MLXIPL: variants seen among roughly 807,000 people sequenced by gnomAD.
MLXIPL encodes the protein carbohydrate-responsive element-binding protein.
MLXIPL carries 49 observed loss-of-function variants against 81.5 expected under a neutral mutation model. The observed-to-expected ratio is 0.60, with a 90% CI of 0.48 to 0.76. The LOEUF (loss-of-function observed/expected upper bound fraction) is 0.76. Among genes scored for constraint, MLXIPL ranks in the 30% least tolerant of loss-of-function variants. The pLI is 0.00. For missense variants in MLXIPL, 1,053 were observed against 1,167.0 expected (o/e 0.90, Z 1.42); for synonymous variants, 466 against 485.5 (o/e 0.96, Z 0.53).
At chr7:73,641,616 C>T in the MLXIPL span, among the ~76,000 whole-genome samples, 12 of 152,048 alleles carry the variant, frequency 7.9e-5, no homozygotes, top group Non-Finnish European at 1.0e-4. Flanking sequence ...GTGTGTCCTG[C>T]GATTCAATTC....
chr7:73,646,441 C>A, the MLXIPL span, among the ~76,000 whole-genome samples: 1 of 152,162 alleles, frequency 6.6e-6, no homozygotes, highest in African/African-American at 2.4e-5. Context: ...GATTCCAAGA[C>A]ACCAGGCGGA....
At chr7:73,644,592 G>C in the MLXIPL span, among the ~76,000 whole-genome samples, 1 of 152,174 alleles carries the variant, frequency 6.6e-6, no homozygotes, top group Non-Finnish European at 1.5e-5. Context: ...ATGTAAGTGA[G>C]AGCCAGTGGT....
rs782536206 is a variant in MLXIPL, at chr7:73,605,920, C to T, written c.810G>A (p.Pro270=). 5 of 1,586,588 alleles carry T rather than the reference C, an allele frequency of 3.2e-6. No individual in the cohort carries two copies. Among genetic ancestry groups the T allele is most frequent in the African/African-American group, 1.3e-5 (1 of 74,708 alleles). Residue 270 remains proline (P), a synonymous_variant, in exon 6 of 17, where the codon CCG becomes CCA. Transcript: ENST00000313375. ...TQSGPSPLQL[P]PEDAYVGNAD... ...TTCTCAGACCCTCACCATCCTCAGG[C>T]GGCAGCTGCAGGGGCGAAGGGCCGG...
At chr7:73,606,352 T>C (rs1584111082) in intron 5 of MLXIPL, 1 of 576,524 alleles carries the variant, frequency 1.7e-6, no homozygotes, top group Non-Finnish European at 3.1e-6. Context: ...TCCTGCTCTT[T>C]AGATTTTTTC....
chr7:73,602,767 C>T (rs782010941), intron 7 of MLXIPL, among the ~76,000 whole-genome samples: 5 of 152,176 alleles, frequency 3.3e-5, no homozygotes, highest in Non-Finnish European at 7.4e-5. Flanking sequence ...ACTAGGTCCC[C>T]GAGGCCCTGG....
upstream of MLXIPL, among the ~76,000 whole-genome samples, chr7:73,626,337 C>T (rs534159096): frequency 2.0e-5 from 3 of 152,286 alleles, no homozygotes; most frequent in South Asian, 6.2e-4. Context: ...GGGTCTCGCT[C>T]TGTCACCCAG....
At position 73,597,640 on chromosome 7, in the gene MLXIPL, G is replaced by A. The variant is rs570039127; in HGVS notation, c.1145C>T (p.Pro382Leu). 9 of 1,386,958 alleles carry A rather than the reference G, an allele frequency of 6.5e-6. No homozygotes were observed. The South Asian group carries it at 1.0e-4, about 16-fold the overall frequency. The allele number at this position is 1,386,958 out of a possible 1,614,324, so 85.9% of individuals were successfully genotyped here. A position where few individuals can be genotyped will look rare whatever the true frequency, so the allele number is the denominator to read the frequency against. Reference protein sequence around the residue: ...LSSDFLLPEDPKPRLPPPPVP... With the variant: ...LSSDFLLPEDLKPRLPPPPVP... ...AGGAGGGGGTGGGAGCCGGGGCTTG[G>A]GGTCTTCAGGAAGGAGGAAATCAGA... Residue 382 changes from proline (P) to leucine (L), a missense_variant, in exon 9 of 17, where the codon CCC becomes CTC. Physicochemically the swap from Pro to Leu is moderately conservative, Grantham distance 98. Around this residue, in one of 3 missense-constraint regions of MLXIPL, gnomAD observed 823 missense variants for 933.0 expected, o/e 0.88. Transcript: ENST00000313375.
Position 73,596,983 on chromosome 7 carries a change from T to A in MLXIPL, c.1604-51A>T. ...TACTGGGGCTGGCCCACCCCCGGCATCTATCAAGACCCCATCCTGCCCCTC... is the reference window on the plus strand; with the variant it reads ...TACTGGGGCTGGCCCACCCCCGGCAACTATCAAGACCCCATCCTGCCCCTC... On this transcript the variant is annotated intron_variant, in intron 9 of 16. Coordinates refer to ENST00000313375, the MANE Select transcript of MLXIPL (RefSeq NM_032951.3). The surrounding 1 kb of genome is among the most constrained non-coding windows in gnomAD (Gnocchi z 4.7). The A allele has an allele frequency of 1.1e-5, 17 of 1,577,452 alleles. No homozygotes were observed. The highest frequency in any genetic ancestry group is 1.4e-5 in the Non-Finnish European group (16 of 1,162,238).
the MLXIPL span, among the ~76,000 whole-genome samples, chr7:73,631,165 C>T: frequency 2.6e-5 from 4 of 152,100 alleles, no homozygotes; most frequent in Admixed American, 1.3e-4. Flanking sequence ...CCCGCCACCA[C>T]GCCCAGCTAA....
upstream of MLXIPL, among the ~76,000 whole-genome samples, chr7:73,624,724 TCC>T (rs1796627626): frequency 6.6e-6 from 1 of 151,848 alleles, no homozygotes; most frequent in Admixed American, 6.6e-5. Flanking sequence ...TTCCTTGGAG[TCC>T]TGATAGAGCC....
At chr7:73,595,601 C>T in intron 15 of MLXIPL, 36 bp downstream of exon 15, 1 of 1,614,066 alleles carries the variant, frequency 6.2e-7, no homozygotes, top group Non-Finnish European at 8.5e-7. Flanking sequence ...GCCACAGCCC[C>T]TGCAGCCCCC....
upstream of MLXIPL, chr7:73,624,552 G>A: frequency 6.8e-7 from 1 of 1,463,874 alleles, no homozygotes. Flanking sequence ...ACAGCTCTTG[G>A]CCAGCCGGGC....
chr7:73,621,094 G>A (rs1467727264), intron 1 of MLXIPL, among the ~76,000 whole-genome samples: 2 of 151,358 alleles, frequency 1.3e-5, no homozygotes, highest in Non-Finnish European at 2.9e-5. Flanking sequence ...TAATAAGAAG[G>A]AGAAGAAAAC....
the MLXIPL span, among the ~76,000 whole-genome samples, chr7:73,641,323 C>G: frequency 6.6e-6 from 1 of 152,284 alleles, no homozygotes; most frequent in South Asian, 2.1e-4. Flanking sequence ...CCATGGATCA[C>G]CTCAGGCAAG....
the MLXIPL span, among the ~76,000 whole-genome samples, chr7:73,645,017 T>G: frequency 1.3e-5 from 2 of 151,330 alleles, no homozygotes; most frequent in Admixed American, 1.3e-4. Context: ...GGCCTGGGAT[T>G]CTGGGTAGAG....
At chr7:73,640,692 G>T in the MLXIPL span, among the ~76,000 whole-genome samples, 1 of 149,834 alleles carries the variant, frequency 6.7e-6, no homozygotes, top group Admixed American at 6.7e-5. Context: ...CAGGAAAATC[G>T]CTTGAATCCG....
chr7:73,607,605 C>G lies in MLXIPL; in HGVS notation c.468G>C (p.Ala156=). Reference sequence around the variant, plus strand: ...ACCCAGCTACCTCCGGCTTCCGGTGCGCATCAGCCTCAGGCCCCTGCAGGG... The same window carrying G: ...ACCCAGCTACCTCCGGCTTCCGGTGGGCATCAGCCTCAGGCCCCTGCAGGG... ...VTPLQGPEAD[A]HRKPEAVVLE... Residue 156 remains alanine (A), a synonymous_variant, in exon 3 of 17, where the codon GCG becomes GCC. Coordinates refer to ENST00000313375, the MANE Select transcript of MLXIPL (RefSeq NM_032951.3). The G allele has an allele frequency of 6.2e-7, 1 of 1,613,126 alleles. No homozygotes were observed. The highest frequency in any genetic ancestry group is 8.5e-7 in the Non-Finnish European group (1 of 1,180,000).
At chr7:73,633,860 A>G in the MLXIPL span, among the ~76,000 whole-genome samples, 1 of 152,078 alleles carries the variant, frequency 6.6e-6, no homozygotes. Flanking sequence ...ACCAGCTTAC[A>G]TACTCAGGAA....
rs868946301 is a variant in MLXIPL at position 73,605,921 on chromosome 7, G to A, written c.809C>T (p.Pro270Leu). 7.6e-6 allele frequency: 12 copies of A among 1,587,048 alleles called. No individual in the cohort carries two copies. In the Admixed American group the frequency reaches 1.1e-4, roughly 14 times the overall value. The change falls in exon 6 of 17, where the codon CCG becomes CTG. Residue 270 changes from proline (P) to leucine (L), a missense_variant. Pro to Leu is a moderately conservative substitution (Grantham distance 98). Transcript: ENST00000313375. ...TCTCAGACCCTCACCATCCTCAGGCGGCAGCTGCAGGGGCGAAGGGCCGGA... is the reference window on the plus strand; with the variant it reads ...TCTCAGACCCTCACCATCCTCAGGCAGCAGCTGCAGGGGCGAAGGGCCGGA... Reference protein sequence around the residue: ...TQSGPSPLQLPPEDAYVGNAD... With the variant: ...TQSGPSPLQLLPEDAYVGNAD...
Sources: gnomAD v4.1 joint callset for allele counts (sites outside exome capture counted in the v4.1 genomes callset) on GRCh38, gnomAD v4.1.1 for gene constraint, gnomAD v4.1.1 regional missense constraint, Gnocchi (gnomAD v3.1) non-coding constraint, MANE v1.5 for transcripts, NCBI Gene and HGNC (gene_info 2026-07-23, HGNC 2026-07-21) for gene names.